WDR90: variants seen among roughly 807,000 people sequenced by gnomAD.
WDR90 encodes WD repeat-containing protein 90.
Under a neutral mutation model 195.2 loss-of-function variants are expected in WDR90, and 238 were observed. The observed-to-expected ratio is 1.22, with a 90% CI of 1.10 to 1.36. WDR90 has a LOEUF of 1.36. WDR90 is among the 40% of genes most tolerant of loss of function. The pLI is 0.00. For synonymous variants in WDR90, 1,265 were observed against 1,052.4 expected, an observed-to-expected ratio of 1.20 and a Z score of -3.91; for missense variants, 2,734 against 2,439.5, an observed-to-expected ratio of 1.12 and a Z score of -2.54.
intron 33 of WDR90, 103 bp downstream of exon 33, chr16:662,434 C>G (rs2037937090): frequency 1.4e-6 from 2 of 1,400,286 alleles, no homozygotes; most frequent in Admixed American, 4.1e-5. Context: ...GCCCTGCAGA[C>G]CGGCCGCCTG....
chr16:665,976 C>G lies in WDR90; in HGVS notation c.4461C>G (p.Pro1487=). 6.2e-7 allele frequency: 1 copy of G among 1,600,122 alleles called. No homozygotes were observed. The highest frequency in any genetic ancestry group is 8.5e-7 in the Non-Finnish European group (1 of 1,177,282). The change falls in exon 36 of 41, where the codon CCC becomes CCG. Residue 1487 remains proline (P), a synonymous_variant. Coordinates refer to ENST00000293879, the MANE Select transcript of WDR90 (RefSeq NM_145294.5). ...NQSCLCLAWS[P]PCCGRPEQQR... ...GCTGCCTCTGCCTGGCATGGAGCCC[C>G]CCGTGCTGTGGCCGCCCTGAGCAGC...
Position 659,396 on chromosome 16 carries a change from G to C in WDR90, c.3184+20G>C. ...GCGATGGTGAGCAGCAGGGGTCCTG[G>C]AGGAGTGGGGGGATTCGGGGGTCTG... On this transcript the variant is annotated intron_variant, in intron 26 of 40. Coordinates refer to ENST00000293879, the MANE Select transcript of WDR90 (RefSeq NM_145294.5). The C allele has an allele frequency of 6.3e-7, 1 of 1,586,272 alleles. No homozygotes were observed. Among genetic ancestry groups the C allele is most frequent in the Admixed American group, 1.8e-5 (1 of 55,030 alleles).
In WDR90 at chr16:655,810, G is replaced by A. The variant is rs772055598; in HGVS notation, c.1887G>A (p.Pro629=). Residue 629 remains proline, a synonymous_variant, in exon 17 of 41, where the codon CCG becomes CCA. Transcript: ENST00000293879. ...GIAISSLSVS[P]AMCAVGSEDG... ...CCATCAGCAGCCTCAGCGTCTCCCC[G>A]GCCATGTGTGCTGTGGGCTCTGAGG... 9 of 1,592,560 alleles carry A rather than the reference G, an allele frequency of 5.7e-6. No individual in the cohort carries two copies. The highest frequency in any genetic ancestry group is 3.5e-5 in the Admixed American group (2 of 56,548).
chr16:649,255 G>C (rs1596456703), upstream of WDR90: 4 of 773,722 alleles, frequency 5.2e-6, no homozygotes, highest in East Asian at 1.4e-4. Context: ...TGACGTGAGC[G>C]GGGTACTCCC....
In WDR90 at chr16:653,539, G is replaced by A. The variant is rs200811440; in HGVS notation, c.1248G>A (p.Ala416=). ...CTGCCTCCTAGGTCTCCGCCCTGGC[G>A]CTGGATGGCAGCAGCTCACTATTGG... ...LGHTDKVSAL[A]LDGSSSLLAS... is the part of the protein sequence containing the mutation. The change falls in exon 12 of 41, where the codon GCG becomes GCA. Residue 416 remains alanine (A), a synonymous_variant. Coordinates refer to ENST00000293879, the MANE Select transcript of WDR90 (RefSeq NM_145294.5). 9.7e-5 allele frequency: 157 copies of A among 1,613,308 alleles called. No individual in the cohort carries two copies. In the African/African-American group the frequency reaches 1.4e-3, roughly 14 times the overall value.
At chr16:655,272 G>C (rs761168724) in intron 14 of WDR90, 35 bp from the exon 15 acceptor site, 1 of 1,609,928 alleles carries the variant, frequency 6.2e-7, no homozygotes, top group Non-Finnish European at 8.5e-7. Context: ...AGGGCGCTGC[G>C]AGCTGCGGCA....
At position 650,406 on chromosome 16, in the gene WDR90, G is replaced by C. The variant is rs1288596040; in HGVS notation, c.388+44G>C. 4.4e-6 allele frequency: 7 copies of C among 1,597,626 alleles called. No homozygotes were observed. In the Admixed American group the frequency reaches 5.0e-5, roughly 11 times the overall value. On this transcript the variant is annotated intron_variant, in intron 4 of 40. Transcript: ENST00000293879. ...GTGGATGATCCAGGACAGGTGGCTG[G>C]AGGGAGTTGGTGCAGGCCCAGTGAG...
chr16:653,893 C>T (rs1010550005), intron 13 of WDR90, 90 bp downstream of exon 13: 2 of 1,500,236 alleles, frequency 1.3e-6, no homozygotes, highest in African/African-American at 2.8e-5. Flanking sequence ...ACTCCAGCTT[C>T]ATGTGACCCT....
In WDR90 at chr16:657,805, G is replaced by A. The variant is rs1280391994; in HGVS notation, c.2517G>A (p.Leu839=). The A allele has an allele frequency of 4.5e-6, 7 of 1,560,742 alleles. No homozygotes were observed. Among genetic ancestry groups the A allele is most frequent in the Non-Finnish European group, 4.3e-6 (5 of 1,152,802 alleles). ...ATGCCCCCGCGAGCCCCAGCGCCCT[G>A]GCAGTCAGCAGGGATGGCCGCCTGC... ...CPDAPASPSA[L]AVSRDGRLLA... The change falls in exon 21 of 41, where the codon CTG becomes CTA. Residue 839 remains leucine, a synonymous_variant. Coordinates refer to ENST00000293879, the MANE Select transcript of WDR90 (RefSeq NM_145294.5).
rs756096236 is a variant in WDR90 at position 650,615 on chromosome 16, C to T, written c.465C>T (p.Tyr155=). ...QLDLQDVLLV[Y]LNRCYGHLKS... ...ATCTGCAGGACGTTCTCCTGGTCTACCTGAACCGGTGCTACGGCCATCTCA... is the reference window on the plus strand; with the variant it reads ...ATCTGCAGGACGTTCTCCTGGTCTATCTGAACCGGTGCTACGGCCATCTCA... The change falls in exon 5 of 41, where the codon TAC becomes TAT. Residue 155 remains tyrosine (Y), a synonymous_variant. Transcript: ENST00000293879. 3.1e-6 allele frequency: 5 copies of T among 1,612,828 alleles called. No homozygotes were observed. In the South Asian group the frequency reaches 5.5e-5, roughly 18 times the overall value.
In WDR90 at chr16:660,653, G is replaced by A. The variant is rs763103577; in HGVS notation, c.3330G>A (p.Leu1110=). ...PPPASGGWLR[L]KAVVGYSGNG... ...CCGCCAGCGGTGGGTGGCTGCGTCTGAAGGCTGTCGTCGGTTACAGCGGGA... is the reference window on the plus strand; with the variant it reads ...CCGCCAGCGGTGGGTGGCTGCGTCTAAAGGCTGTCGTCGGTTACAGCGGGA... The change falls in exon 28 of 41, where the codon CTG becomes CTA. Residue 1110 remains leucine, a synonymous_variant. Transcript: ENST00000293879. The A allele has an allele frequency of 3.2e-6, 5 of 1,582,006 alleles. 1 individual carries two copies. In the South Asian group the frequency reaches 4.6e-5, roughly 15 times the overall value.
chr16:663,890 C>G (rs182723002), intron 34 of WDR90, among the ~76,000 whole-genome samples: 2 of 152,328 alleles, frequency 1.3e-5, no homozygotes, highest in Admixed American at 6.5e-5. Flanking sequence ...GCAGCTGTGG[C>G]CATGGGCTTC....
chr16:652,181 G>A (rs540956299), intron 9 of WDR90, 142 bp downstream of exon 9: 37 of 1,060,846 alleles, frequency 3.5e-5, no homozygotes, highest in Middle Eastern at 2.9e-4. Context: ...CAGAGCTGGC[G>A]GGAGGCGGCT....
In WDR90 at chr16:649,386, G is replaced by A. The variant is rs2037590157; in HGVS notation, c.-31G>A. ...GCGTACTCTGCGCTGGGCGCGCGGA[G>A]GCCTAGGCGGGAAGCTCGAGCGGCG... On this transcript the variant is annotated 5_prime_UTR_variant, in exon 1 of 41. Coordinates refer to ENST00000293879, the MANE Select transcript of WDR90 (RefSeq NM_145294.5). The A allele has an allele frequency of 6.8e-6, 9 of 1,324,936 alleles. No homozygotes were observed. Among genetic ancestry groups the A allele is most frequent in the Non-Finnish European group, 8.7e-6 (9 of 1,039,652 alleles). 82.1% of individuals were successfully genotyped at this position (1,324,936 alleles called of 1,614,324 possible).
In WDR90 at chr16:661,452, C is replaced by T. The variant is rs201395848; in HGVS notation, c.3624C>T (p.Thr1208=). The T allele has an allele frequency of 2.4e-5, 38 of 1,612,220 alleles. 1 individual carries two copies. The highest frequency in any genetic ancestry group is 1.7e-4 in the African/African-American group (13 of 75,064). ...ATCTCATTTTCCCCCATAGCACCAC[C>T]GTGCTGGCCCTGGCCTTCTCACCAG... The part of the protein sequence containing the change: ...CQHLIFPHST[T]VLALAFSPDD... Residue 1208 remains threonine, a synonymous_variant, in exon 30 of 41, where the codon ACC becomes ACT. Coordinates refer to ENST00000293879, the MANE Select transcript of WDR90 (RefSeq NM_145294.5).
In WDR90 at chr16:655,471, G is replaced by A. The variant is rs377228436; in HGVS notation, c.1718+3G>A. 2 of 1,533,198 alleles carry A rather than the reference G, an allele frequency of 1.3e-6. No individual in the cohort carries two copies. The highest frequency in any genetic ancestry group is 1.3e-5 in the South Asian group (1 of 79,966). 95.0% of individuals were successfully genotyped at this position (1,533,198 alleles called of 1,614,324 possible). On this transcript the variant is annotated splice_donor_region_variant and intron_variant, in intron 15 of 40. Coordinates refer to ENST00000293879, the MANE Select transcript of WDR90 (RefSeq NM_145294.5). ...CCGGAGCCCTCGGCTGCCATGCTGT[G>A]AGTCCCTGCCCTTCCCCACGGCCTG...
In WDR90 at chr16:661,050, G is replaced by C. The variant is rs764767671; in HGVS notation, c.3392-1G>C. On this transcript the variant is annotated splice_acceptor_variant, in intron 28 of 40. Transcript: ENST00000293879. LOFTEE classifies it high-confidence loss of function. ...TCAGGCCCCGCCCTCTCTGCGCACAGGCTTCTTTGCCTACACGTGCGGCCG... is the reference window on the plus strand; with the variant it reads ...TCAGGCCCCGCCCTCTCTGCGCACACGCTTCTTTGCCTACACGTGCGGCCG... 1.5e-5 allele frequency: 18 copies of C among 1,216,966 alleles called. No homozygotes were observed. The highest frequency in any genetic ancestry group is 1.7e-5 in the Non-Finnish European group (17 of 974,430). 75.4% of individuals were successfully genotyped at this position (1,216,966 alleles called of 1,614,324 possible).
chr16:655,658 C>T lies in WDR90; in HGVS notation c.1804C>T (p.Arg602Trp), dbSNP rs201699835. ...VRHARRLLPTRTPGGPHPQKQ... is the reference protein window; with the variant it reads ...VRHARRLLPTWTPGGPHPQKQ... ...GCATGCCCGCCGCCTGCTCCCCACA[C>T]GGACTCCAGGCGGTCCCCACCCACA... The change falls in exon 16 of 41, where the codon CGG (arginine) becomes TGG (tryptophan). Residue 602 changes from arginine (R) to tryptophan (W), a missense_variant. Coordinates refer to ENST00000293879, the MANE Select transcript of WDR90 (RefSeq NM_145294.5). 355 of 1,604,300 alleles carry T rather than the reference C, an allele frequency of 2.2e-4. 1 individual carries two copies. In the East Asian group the frequency reaches 7.2e-3, roughly 33 times the overall value.
intron 3 of WDR90, 31 bp downstream of exon 3, chr16:650,198 G>C (rs752176876): frequency 1.2e-6 from 2 of 1,610,266 alleles, no homozygotes; most frequent in East Asian, 2.2e-5. Context: ...GGCTGCGTGG[G>C]AGCCCCGGCA....
Sources: gnomAD v4.1 joint callset for allele counts (sites outside exome capture counted in the v4.1 genomes callset) on GRCh38, gnomAD v4.1.1 for gene constraint, MANE v1.5 for transcripts, NCBI Gene and HGNC (gene_info 2026-07-23, HGNC 2026-07-21) for gene names.